GLB1L3: variants seen among roughly 807,000 people sequenced by gnomAD.
GLB1L3 encodes the protein galactosidase beta 1 like 3, also known as beta-galactosidase-1-like protein 3.
Under a neutral mutation model 89.5 loss-of-function variants are expected in GLB1L3, and 89 were observed. That is an observed-to-expected ratio of 0.99 (90% CI 0.84 to 1.19). The LOEUF is 1.19. GLB1L3 is among the 50% of genes most tolerant of loss of function. GLB1L3 has a pLI of 0.00. For synonymous variants in GLB1L3, 314 were observed against 312.3 expected, an observed-to-expected ratio of 1.01 and a Z score of -0.06; for missense variants, 812 against 813.3, an observed-to-expected ratio of 1.00 and a Z score of 0.02.
intron 1 of GLB1L3, 73 bp downstream of exon 1, chr11:134,276,836 G>T: frequency 7.9e-7 from 1 of 1,262,662 alleles, no homozygotes; most frequent in Non-Finnish European, 1.0e-6. Context: ...ACCCTCCCCG[G>T]GTTCTGTGGC....
intron 9 of GLB1L3, among the ~76,000 whole-genome samples, chr11:134,298,593 A>C (rs374323303): frequency 2.0e-5 from 3 of 152,156 alleles, no homozygotes; most frequent in African/African-American, 7.2e-5. Flanking sequence ...TTCCCGTGCT[A>C]TTCTCATGAT....
intron 6 of GLB1L3, among the ~76,000 whole-genome samples, chr11:134,288,301 C>T (rs1220954865): frequency 6.6e-6 from 1 of 152,092 alleles, no homozygotes; most frequent in Non-Finnish European, 1.5e-5. Flanking sequence ...GGGCCTCTGC[C>T]CCCATCTTGA....
chr11:134,312,752 G>A (rs1042674290), intron 14 of GLB1L3, 64 bp from the exon 15 acceptor site: 44 of 1,354,742 alleles, frequency 3.2e-5, no homozygotes, highest in African/African-American at 7.2e-5. Context: ...TCCCGAAACC[G>A]CGGCCTCTCT....
intron 9 of GLB1L3, among the ~76,000 whole-genome samples, chr11:134,302,421 C>T (rs756240185): frequency 6.6e-6 from 1 of 152,146 alleles, no homozygotes; most frequent in Non-Finnish European, 1.5e-5. Flanking sequence ...TGACTTTGGA[C>T]ATCATAGTTG....
Position 134,319,042 on chromosome 11 carries a change from C to T in GLB1L3, c.*100C>T. The T allele has an allele frequency of 1.2e-6, 1 of 834,264 alleles. No individual in the cohort carries two copies. The highest frequency in any genetic ancestry group is 2.5e-5 in the East Asian group (1 of 40,540). 51.7% of individuals were successfully genotyped at this position (834,264 alleles called of 1,614,324 possible). On this transcript the variant is annotated 3_prime_UTR_variant, in exon 20 of 20. Coordinates refer to ENST00000431683, the MANE Select transcript of GLB1L3 (RefSeq NM_001080407.3). ...CAATCTCTGCTCACTGCAAGCTCAG[C>T]CTCTCGGGTTCACGCCATTCTCCTG...
At chr11:134,324,662 G>T in the GLB1L3 span, among the ~76,000 whole-genome samples, 1 of 152,096 alleles carries the variant, frequency 6.6e-6, no homozygotes, top group Non-Finnish European at 1.5e-5. Context: ...TAATTTTGGA[G>T]ATTTGCCTTC....
chr11:134,316,391 AAAT>A (rs1942979585), intron 18 of GLB1L3, among the ~76,000 whole-genome samples: 1 of 152,154 alleles, frequency 6.6e-6, no homozygotes, highest in African/African-American at 2.4e-5. Context: ...AATACAGAAA[AAAT>A]AAGTTGTAAG....
chr11:134,290,487 C>G (rs1941289175), intron 7 of GLB1L3, among the ~76,000 whole-genome samples: 2 of 150,570 alleles, frequency 1.3e-5, no homozygotes, highest in African/African-American at 4.9e-5. Context: ...GCAGGAAAAT[C>G]ACCTGAACCT....
chr11:134,287,339 G>A (rs1425172778), intron 6 of GLB1L3: 1 of 152,220 alleles, frequency 6.6e-6, no homozygotes, highest in Non-Finnish European at 1.5e-5. Context: ...TAAGTGAAAT[G>A]TAATGCCCCA....
rs1942481884 is a variant in GLB1L3 at position 134,308,480 on chromosome 11, CCACCACCAT to C, written c.962-1137_962-1129del. 3.9e-4 allele frequency among the ~76,000 whole-genome samples: 4 copies of C among 10,152 alleles called. 1 individual carries two copies. Among genetic ancestry groups the C allele is most frequent in the African/African-American group, 1.4e-3 (4 of 2,770 alleles). 6.7% of individuals were successfully genotyped at this position (10,152 alleles called of 152,430 possible). On this transcript the variant is annotated intron_variant, in intron 10 of 19. Transcript: ENST00000431683. ...CCACCACCACCACCACCAAATACCA[CCACCACCAT>C]CACCACCAAATACCACCACCACCAC...
At chr11:134,308,552 A>T (rs1231111592) in intron 10 of GLB1L3, among the ~76,000 whole-genome samples, 2 of 43,114 alleles carry the variant, frequency 4.6e-5, no homozygotes, top group East Asian at 5.5e-4. Context: ...CATCACCATC[A>T]CCATCACCAC....
rs1176130396 is a variant in GLB1L3, at chr11:134,310,575, T to C, written c.1104T>C (p.Tyr368=). 1.8e-5 allele frequency: 29 copies of C among 1,612,094 alleles called. No individual in the cohort carries two copies. Among genetic ancestry groups the C allele is most frequent in the Non-Finnish European group, 2.2e-5 (26 of 1,178,906 alleles). Residue 368 remains tyrosine, a synonymous_variant, in exon 12 of 20, where the codon TAT becomes TAC. Transcript: ENST00000431683. ...KHSGIVTSYD[Y]DAVLTEAGDY... ...ACTGGCCCTGGTGTCTTGCAGACTA[T>C]GATGCAGTGCTCACGGAGGCTGGAG...
chr11:134,277,586 G>C, intron 2 of GLB1L3, 114 bp from the exon 3 acceptor site: 1 of 1,509,772 alleles, frequency 6.6e-7, no homozygotes, highest in Non-Finnish European at 9.2e-7. Context: ...CATATGCACA[G>C]AACACGTCCT....
At chr11:134,277,489 G>A (rs1940441741) in intron 2 of GLB1L3, 38 bp downstream of exon 2, 1 of 1,602,598 alleles carries the variant, frequency 6.2e-7, no homozygotes, top group Non-Finnish European at 8.5e-7. Context: ...AGGGAGGGGA[G>A]CGATCTCTCC....
chr11:134,294,169 C>T (rs763292877), intron 9 of GLB1L3, among the ~76,000 whole-genome samples: 2 of 152,000 alleles, frequency 1.3e-5, no homozygotes, highest in African/African-American at 4.8e-5. Context: ...TTGGTTCAAG[C>T]GATTCTCCTG....
chr11:134,282,174 A>G, intron 5 of GLB1L3, 54 bp downstream of exon 5: 1 of 1,492,438 alleles, frequency 6.7e-7, no homozygotes, highest in Non-Finnish European at 9.0e-7. Flanking sequence ...TTTGCTTTAA[A>G]AAAAGTGAAT....
At chr11:134,297,143 C>T (rs1008811914) in intron 9 of GLB1L3, among the ~76,000 whole-genome samples, 7 of 152,138 alleles carry the variant, frequency 4.6e-5, no homozygotes, top group Non-Finnish European at 1.0e-4. Context: ...TGTATCATTA[C>T]GTAATATCCC....
At chr11:134,286,708 C>T (rs1001199334) in intron 6 of GLB1L3, among the ~76,000 whole-genome samples, 4 of 150,924 alleles carry the variant, frequency 2.7e-5, no homozygotes, top group Non-Finnish European at 4.4e-5. Flanking sequence ...ACCCGGGGGG[C>T]GGAGCTTGCA....
intron 7 of GLB1L3, among the ~76,000 whole-genome samples, chr11:134,290,464 T>C (rs1446751946): frequency 2.0e-5 from 3 of 151,062 alleles, no homozygotes; most frequent in Non-Finnish European, 2.9e-5. Context: ...TCCCAGCTAC[T>C]CAGGAGGCTG....
Sources: gnomAD v4.1 joint callset for allele counts (sites outside exome capture counted in the v4.1 genomes callset) on GRCh38, gnomAD v4.1.1 for gene constraint, MANE v1.5 for transcripts, NCBI Gene and HGNC (gene_info 2026-07-23, HGNC 2026-07-21) for gene names.